The following CDH13 variants were observed in gnomAD, a reference collection of about 807,000 sequenced individuals.
The protein encoded by CDH13 is cadherin 13.
CDH13 carries 24 observed loss-of-function variants against 63.8 expected under a neutral mutation model. The observed-to-expected ratio is 0.38, with a 90% CI of 0.27 to 0.53. The LOEUF is 0.53. Ranked by LOEUF, CDH13 falls within the 20% of genes least tolerant of loss-of-function variation. CDH13 has a pLI of 0.85. For synonymous variants in CDH13, 503 were observed against 355.3 expected, an observed-to-expected ratio of 1.42 and a Z score of -4.67; for missense variants, 1,049 against 903.1, an observed-to-expected ratio of 1.16 and a Z score of -2.07.
chr16:82,865,166 C>A (rs924859423), intron 2 of CDH13, among the ~76,000 whole-genome samples: 1 of 152,180 alleles, frequency 6.6e-6, no homozygotes. Context: ...CACAGGCTGG[C>A]GTTGAGTGTC....
At chr16:83,789,053 A>T (rs1388126551) in intron 13 of CDH13, among the ~76,000 whole-genome samples, 7 of 152,226 alleles carry the variant, frequency 4.6e-5, no homozygotes, top group African/African-American at 1.7e-4. Flanking sequence ...GCCAAATGTC[A>T]TGATTTACGT....
chr16:83,456,346 G>A (rs534252043), intron 6 of CDH13, among the ~76,000 whole-genome samples: 14 of 152,338 alleles, frequency 9.2e-5, no homozygotes, highest in Middle Eastern at 6.8e-3. Context: ...GTGAGGCCCC[G>A]TCTTAGGTAA....
chr16:83,408,825 C>G (rs1172297843), intron 6 of CDH13, among the ~76,000 whole-genome samples: 5 of 152,124 alleles, frequency 3.3e-5, no homozygotes, highest in Admixed American at 1.3e-4. Context: ...TATATCCCCA[C>G]TAAGTGTGAA....
intron 1 of CDH13, among the ~76,000 whole-genome samples, chr16:82,779,580 G>A (rs1597552442): frequency 1.3e-5 from 2 of 152,292 alleles, no homozygotes; most frequent in South Asian, 2.1e-4. Flanking sequence ...AAGGAGAGGG[G>A]CCAGGAGAGA....
In CDH13 at chr16:82,915,023, G is replaced by T. The variant is rs138044524; in HGVS notation, c.157+56550G>T. 3.8e-3 allele frequency among the ~76,000 whole-genome samples: 575 copies of T among 152,332 alleles called. 7 individuals carry two copies. Among genetic ancestry groups the T allele is most frequent in the African/African-American group, 0.013 (537 of 41,578 alleles). ...TGTTAAATTTGCACGATGTGCAGTG[G>T]TCTAAACTTTCACTGAATCCTAATC... is the stretch of plus-strand genomic sequence containing the variant. On this transcript the variant is annotated intron_variant, in intron 2 of 13. Coordinates refer to ENST00000567109, the MANE Select transcript of CDH13 (RefSeq NM_001257.5).
chr16:83,153,343 T>C (rs1413640601), intron 4 of CDH13, among the ~76,000 whole-genome samples: 1 of 151,990 alleles, frequency 6.6e-6, no homozygotes, highest in African/African-American at 2.4e-5. Context: ...AGTTGATCCA[T>C]CAAATGCAGA....
intron 5 of CDH13, among the ~76,000 whole-genome samples, chr16:83,233,779 T>G (rs1339376058): frequency 1.3e-5 from 2 of 152,154 alleles, no homozygotes; most frequent in African/African-American, 4.8e-5. Flanking sequence ...TAATTTAAAT[T>G]TATCTAGTTC....
intron 7 of CDH13, among the ~76,000 whole-genome samples, chr16:83,545,811 A>G (rs1304364732): frequency 6.6e-6 from 1 of 152,118 alleles, no homozygotes; most frequent in African/African-American, 2.4e-5. Context: ...CATTCAAATA[A>G]TGCCTCCTGT....
intron 8 of CDH13, among the ~76,000 whole-genome samples, chr16:83,643,872 A>G (rs932870664): frequency 6.6e-6 from 1 of 152,180 alleles, no homozygotes; most frequent in Non-Finnish European, 1.5e-5. Flanking sequence ...TGTCCACTGT[A>G]CAGCCACCTA....
chr16:82,684,429 C>T (rs1483291594), intron 1 of CDH13, among the ~76,000 whole-genome samples: 1 of 152,096 alleles, frequency 6.6e-6, no homozygotes, highest in Non-Finnish European at 1.5e-5. Flanking sequence ...GCCTAGATGT[C>T]TGCGGTGAGC....
chr16:82,657,488 T>C (rs1911432424), intron 1 of CDH13, among the ~76,000 whole-genome samples: 1 of 152,210 alleles, frequency 6.6e-6, no homozygotes, highest in Non-Finnish European at 1.5e-5. Context: ...GATTTCATCA[T>C]GCAACTCAGA....
At chr16:83,335,830 C>A (rs1232467024) in intron 5 of CDH13, among the ~76,000 whole-genome samples, 2 of 152,100 alleles carry the variant, frequency 1.3e-5, no homozygotes, top group Non-Finnish European at 2.9e-5. Flanking sequence ...ACGTGCACCC[C>A]CTTAGAGTTG....
intron 8 of CDH13, among the ~76,000 whole-genome samples, chr16:83,668,313 A>T (rs1308771457): frequency 6.6e-6 from 1 of 152,224 alleles, no homozygotes; most frequent in Admixed American, 6.5e-5. Context: ...AGATAAAGCC[A>T]TGAAGAGACA....
intron 7 of CDH13, among the ~76,000 whole-genome samples, chr16:83,567,465 G>A (rs1904293001): frequency 6.6e-6 from 1 of 152,206 alleles, no homozygotes; most frequent in Non-Finnish European, 1.5e-5. Context: ...GCTTGCATAA[G>A]ACTTCGCTAG....
chr16:83,721,938 G>A lies in CDH13; in HGVS notation c.1539-26170G>A, dbSNP rs567714336. The stretch of plus-strand genomic sequence containing the variant: ...TTGCTAGAGTAGAGAGATTGGATGA[G>A]GAAGTACAGGCTGCACCCTGGAGCC... On this transcript the variant is annotated intron_variant, in intron 10 of 13. Coordinates refer to ENST00000567109, the MANE Select transcript of CDH13 (RefSeq NM_001257.5). 5 of 152,396 alleles carry A rather than the reference G, an allele frequency of 3.3e-5. No homozygotes were observed. In the South Asian group the frequency reaches 1.0e-3, roughly 32 times the overall value. 9.4% of individuals were successfully genotyped at this position (152,396 alleles called of 1,614,324 possible).
At chr16:83,730,849 G>A (rs1422851021) in intron 10 of CDH13, among the ~76,000 whole-genome samples, 1 of 151,960 alleles carries the variant, frequency 6.6e-6, no homozygotes, top group Admixed American at 6.6e-5. Flanking sequence ...AATGTCTATT[G>A]CTCCCATCTT....
At chr16:83,547,097 G>A (rs981736234) in intron 7 of CDH13, among the ~76,000 whole-genome samples, 4 of 152,190 alleles carry the variant, frequency 2.6e-5, no homozygotes, top group African/African-American at 7.2e-5. Flanking sequence ...TGTGCAAGCT[G>A]CCAGGAGAAT....
At chr16:83,553,656 A>C (rs1237275118) in intron 7 of CDH13, among the ~76,000 whole-genome samples, 1 of 152,162 alleles carries the variant, frequency 6.6e-6, no homozygotes, top group Non-Finnish European at 1.5e-5. Context: ...TCTTGGGTTC[A>C]AGCCATTTTC....
chr16:82,709,070 G>A (rs2031716267), intron 1 of CDH13, among the ~76,000 whole-genome samples: 1 of 152,140 alleles, frequency 6.6e-6, no homozygotes, highest in South Asian at 2.1e-4. Context: ...CAGTTACATC[G>A]CTGGTCAGCT....
Sources: allele counts gnomAD v4.1 joint callset (sites outside exome capture counted in the v4.1 genomes callset), GRCh38; gene constraint gnomAD v4.1.1; transcripts MANE v1.5; gene names NCBI Gene and HGNC (gene_info 2026-07-23, HGNC 2026-07-21).